Variants in MYO9A observed in about 807,000 individuals in gnomAD.
MYO9A encodes unconventional myosin-IXa.
A neutral mutation model predicts 293.3 loss-of-function variants in MYO9A; 103 were observed. That is an observed-to-expected ratio of 0.35 (90% CI 0.30 to 0.41). The LOEUF is 0.41. Among genes scored for constraint, MYO9A ranks in the 10% least tolerant of loss-of-function variants. The probability of loss-of-function intolerance (pLI) is 1.00; values close to 1 mark genes in which losing one functional copy is unlikely to be tolerated. For synonymous variants in MYO9A, 1,001 were observed against 1,035.7 expected, an observed-to-expected ratio of 0.97 and a Z score of 0.64; for missense variants, 2,685 against 3,033.0, an observed-to-expected ratio of 0.89 and a Z score of 2.69.
chr15:72,109,901 AAAAT>A (rs1308168902), intron 1 of MYO9A, among the ~76,000 whole-genome samples: 10 of 151,950 alleles, frequency 6.6e-5, no homozygotes, highest in Admixed American at 4.6e-4. Flanking sequence ...GTCTCACAAA[AAAAT>A]AAATAAATAA....
chr15:72,046,105 A>G lies in MYO9A; in HGVS notation c.459T>C (p.Ser153=). 6.2e-7 allele frequency: 1 copy of G among 1,614,088 alleles called. No homozygotes were observed. Among genetic ancestry groups the G allele is most frequent in the Non-Finnish European group, 8.5e-7 (1 of 1,180,002 alleles). The part of the protein sequence containing the change: ...PQQKDFDDLC[S]LPDLNEKTLL... ...GAGTTTTCTCATTCAAATCAGGTAA[A>G]CTACATAAATCATCAAAGTCTTTCT... Residue 153 remains serine (S), a synonymous_variant, in exon 2 of 42, where the codon AGT becomes AGC. Coordinates refer to ENST00000356056, the MANE Select transcript of MYO9A (RefSeq NM_006901.4).
rs2059013533 is a variant in MYO9A, at chr15:71,949,894, C to CGGTTT, written c.2302+1882_2302+1883insAAACC. 3.9e-5 allele frequency among the ~76,000 whole-genome samples: 6 copies of CGGTTT among 151,912 alleles called. No individual in the cohort carries two copies. In the South Asian group the frequency reaches 1.2e-3, roughly 32 times the overall value. On this transcript the variant is annotated intron_variant, in intron 15 of 41. Coordinates refer to ENST00000356056, the MANE Select transcript of MYO9A (RefSeq NM_006901.4). ...TCTGAAACTATGCAAGTTAGGAAAC[C>CGGTTT]CCTTGTATAAAAAGCTACAAATTCA...
At chr15:72,101,404 GC>G (rs1412499082) in intron 1 of MYO9A, among the ~76,000 whole-genome samples, 1 of 89,488 alleles carries the variant, frequency 1.1e-5, no homozygotes, top group Non-Finnish European at 2.5e-5. Flanking sequence ...CTGCCTGGCC[GC>G]CCCTACTGGG....
At chr15:72,033,142 C>T (rs2077929985) in intron 2 of MYO9A, among the ~76,000 whole-genome samples, 1 of 152,118 alleles carries the variant, frequency 6.6e-6, no homozygotes, top group Non-Finnish European at 1.5e-5. Context: ...TGAGCCACTG[C>T]ACCCAGCCAA....
chr15:71,987,151 T>C (rs1394392829), intron 11 of MYO9A, among the ~76,000 whole-genome samples: 1 of 152,202 alleles, frequency 6.6e-6, no homozygotes, highest in Non-Finnish European at 1.5e-5. Context: ...GGCTATATCA[T>C]ATAGCCTAGG....
At chr15:72,087,374 A>G (rs2079772869) in intron 1 of MYO9A, among the ~76,000 whole-genome samples, 1 of 152,168 alleles carries the variant, frequency 6.6e-6, no homozygotes, top group South Asian at 2.1e-4. Flanking sequence ...TGGGCTCTGC[A>G]CTGACTGGAG....
In MYO9A at chr15:71,899,880, G is replaced by GCTGC; in HGVS notation, c.3273_3276dup (p.Arg1093AlafsTer22). Reference sequence around the variant, plus strand: ...GCTGCAGCCCGTAACTCCAAGTACCGCTGCCTCTCTAAGTGAGCACGCCAG... The same window carrying GCTGC: ...GCTGCAGCCCGTAACTCCAAGTACCGCTGCCTGCCTCTCTAAGTGAGCACGCCAG... On this transcript the variant is annotated frameshift_variant, in exon 24 of 42. Coordinates refer to ENST00000356056, the MANE Select transcript of MYO9A (RefSeq NM_006901.4). LOFTEE classifies it high-confidence loss of function. The GCTGC allele has an allele frequency of 6.2e-7, 1 of 1,613,976 alleles. No individual in the cohort carries two copies. The highest frequency in any genetic ancestry group is 8.5e-7 in the Non-Finnish European group (1 of 1,180,002).
chr15:71,897,707 C>T lies in MYO9A; in HGVS notation c.4796G>A (p.Arg1599Gln), dbSNP rs775093950. Residue 1599 changes from arginine to glutamine, a missense_variant, in exon 25 of 42, where the codon CGA (arginine) becomes CAA (glutamine). Coordinates refer to ENST00000356056, the MANE Select transcript of MYO9A (RefSeq NM_006901.4). The part of the protein sequence containing the change: ...SSSAHLPPKD[R>Q]PVTVFFERKG... ...TCTTTCAAAGAACACGGTGACAGGT[C>T]GGTCCTTTGGGGGTAAGTGAGCAGA... 20 of 1,613,980 alleles carry T rather than the reference C, an allele frequency of 1.2e-5. No homozygotes were observed. Among genetic ancestry groups the T allele is most frequent in the African/African-American group, 9.3e-5 (7 of 74,902 alleles).
chr15:71,916,504 G>T lies in MYO9A; in HGVS notation c.2563-12C>A. ...ACTTCTAGCAAGTGCTGAAAGAAGA[G>T]AAAAAATAAATTGCTCACATAAATT... On this transcript the variant is annotated splice_polypyrimidine_tract_variant and intron_variant, in intron 18 of 41. Transcript: ENST00000356056. The T allele has an allele frequency of 6.3e-7, 1 of 1,585,182 alleles. No individual in the cohort carries two copies. Among genetic ancestry groups the T allele is most frequent in the East Asian group, 2.3e-5 (1 of 44,414 alleles).
chr15:71,935,903 T>TATACAC (rs147119420), intron 16 of MYO9A, among the ~76,000 whole-genome samples: 2 of 148,006 alleles, frequency 1.4e-5, no homozygotes, highest in Admixed American at 6.8e-5. Context: ...AGGTCTTATT[T>TATACAC]ACACACACAC....
intron 12 of MYO9A, among the ~76,000 whole-genome samples, chr15:71,970,485 G>T (rs2075981400): frequency 6.6e-6 from 1 of 152,144 alleles, no homozygotes; most frequent in African/African-American, 2.4e-5. Flanking sequence ...AATACTCAAT[G>T]TAAGTCCCAA....
chr15:71,905,715 A>G (rs1467604394), intron 19 of MYO9A, among the ~76,000 whole-genome samples: 2 of 126,922 alleles, frequency 1.6e-5, no homozygotes, highest in African/African-American at 6.0e-5. Flanking sequence ...GTAAGCCAAG[A>G]TGGTGCCACT....
chr15:71,928,252 T>A (rs1008279360), intron 18 of MYO9A, among the ~76,000 whole-genome samples: 2 of 147,618 alleles, frequency 1.4e-5, no homozygotes, highest in Non-Finnish European at 1.5e-5. Context: ...TAATTTTTTG[T>A]ATTTTTAGTA....
chr15:71,878,488 C>G (rs185861826), intron 30 of MYO9A, among the ~76,000 whole-genome samples: 3 of 152,208 alleles, frequency 2.0e-5, no homozygotes, highest in Admixed American at 2.0e-4. Context: ...AATTTCTCTT[C>G]TAAGTGTGAC....
rs1171736981 is a variant in MYO9A, at chr15:72,046,281, C to T, written c.283G>A (p.Glu95Lys). 3 of 1,614,080 alleles carry T rather than the reference C, an allele frequency of 1.9e-6. No homozygotes were observed. The highest frequency in any genetic ancestry group is 2.5e-6 in the Non-Finnish European group (3 of 1,179,940). ...TAGTCCTCTCCACTTAAGCGATTTT[C>T]CAGAGCCATTCGGGGCCACAGCATC... ...RMMLWPRMAL[E>K]NRLSGEDYRF... The change falls in exon 2 of 42, where the codon GAA becomes AAA. Residue 95 changes from glutamate to lysine, a missense_variant. Physicochemically the swap from Glu to Lys is moderately conservative, Grantham distance 56 (BLOSUM62 1). Coordinates refer to ENST00000356056, the MANE Select transcript of MYO9A (RefSeq NM_006901.4).
Position 71,827,871 on chromosome 15 carries a change from C to A in MYO9A, c.7183+13G>T, listed in dbSNP as rs757733166. On this transcript the variant is annotated intron_variant, in intron 41 of 41. Coordinates refer to ENST00000356056, the MANE Select transcript of MYO9A (RefSeq NM_006901.4). ...AACAAATCTGGAGTCTTTGGTCTAC[C>A]ATGTTCACTTACCTGATTTCTCAGA... 1 of 1,609,560 alleles carries A rather than the reference C, an allele frequency of 6.2e-7. No homozygotes were observed. The highest frequency in any genetic ancestry group is 1.1e-5 in the South Asian group (1 of 90,064).
rs2145849024 is a variant in MYO9A at position 71,934,803 on chromosome 15, T to C, written c.2522+538A>G. 1.4e-5 allele frequency among the ~76,000 whole-genome samples: 2 copies of C among 142,254 alleles called. 1 individual carries two copies. Among genetic ancestry groups the C allele is most frequent in the African/African-American group, 5.2e-5 (2 of 38,738 alleles). The allele number at this position is 142,254 out of a possible 152,430, so 93.3% of individuals were successfully genotyped here. ...TTTCTTTTCTTTTTTTTTTTTTTTTTTTTTTTTTGGAGAGATGGGGTCTCT... is the reference window on the plus strand; with the variant it reads ...TTTCTTTTCTTTTTTTTTTTTTTTTCTTTTTTTTGGAGAGATGGGGTCTCT... On this transcript the variant is annotated intron_variant, in intron 17 of 41. Coordinates refer to ENST00000356056, the MANE Select transcript of MYO9A (RefSeq NM_006901.4).
At chr15:72,091,666 CA>C (rs2079914095) in intron 1 of MYO9A, among the ~76,000 whole-genome samples, 1 of 151,916 alleles carries the variant, frequency 6.6e-6, no homozygotes, top group African/African-American at 2.4e-5. Context: ...AACACAACTA[CA>C]ACTAAGATTT....
At chr15:72,045,049 C>G (rs1178889921) in intron 2 of MYO9A, 1 of 152,168 alleles carries the variant, frequency 6.6e-6, no homozygotes, top group African/African-American at 2.4e-5. Context: ...CTTCTCACAT[C>G]TATCAAATAT....
Sources: allele counts gnomAD v4.1 joint callset (sites outside exome capture counted in the v4.1 genomes callset), GRCh38; gene constraint gnomAD v4.1.1; transcripts MANE v1.5; gene names NCBI Gene and HGNC (gene_info 2026-07-23, HGNC 2026-07-21).